The following LRP5 variants were observed in gnomAD, a reference collection of about 807,000 sequenced individuals.
LRP5 encodes low-density lipoprotein receptor-related protein 5.
In LRP5, 62 loss-of-function variants were observed where a neutral mutation model predicts 154.1. The ratio of observed to expected loss-of-function variants is 0.40; its 90% CI spans 0.33 to 0.50. The LOEUF is 0.50. Ranked by LOEUF, LRP5 falls within the 20% of genes least tolerant of loss-of-function variation. The probability of loss-of-function intolerance (pLI) is 0.55; values close to 1 mark genes in which losing one functional copy is unlikely to be tolerated. For synonymous variants in LRP5, 966 were observed against 1,011.5 expected, an observed-to-expected ratio of 0.96 and a Z score of 0.85; for missense variants, 1,915 against 2,336.7, an observed-to-expected ratio of 0.82 and a Z score of 3.72.
Position 68,413,542 on chromosome 11 carries a change from C to T in LRP5, c.2504-147C>T. On this transcript the variant is annotated intron_variant, in intron 11 of 22. Coordinates refer to ENST00000294304, the MANE Select transcript of LRP5 (RefSeq NM_002335.4). This position sits in a 1 kb window ranked among gnomAD's most constrained non-coding sequence, Gnocchi z 5.1. Reference sequence around the variant, plus strand: ...CCTGCCTGCGCTTCAGTGGATCTTGCTGGTTTTCCAAGGTGGCCAAACACT... The same window carrying T: ...CCTGCCTGCGCTTCAGTGGATCTTGTTGGTTTTCCAAGGTGGCCAAACACT... The T allele has an allele frequency of 1.4e-6, 1 of 728,704 alleles. No individual in the cohort carries two copies. The highest frequency in any genetic ancestry group is 2.4e-6 in the Non-Finnish European group (1 of 411,092). 45.1% of individuals were successfully genotyped at this position (728,704 alleles called of 1,614,324 possible).
chr11:68,448,996 C>T lies in LRP5; in HGVS notation c.4774C>T (p.Pro1592Ser), dbSNP rs753526343. ...QYLSAEDSCP[P>S]SPATERSYFH... ...CCTGTCGGCGGAGGACAGCTGCCCG[C>T]CCTCGCCCGCCACCGAGAGGAGCTA... The change falls in exon 23 of 23, where the codon CCC becomes TCC. Residue 1592 changes from proline (P) to serine (S), a missense_variant. Pro to Ser is a moderately conservative substitution (Grantham distance 74). Transcript: ENST00000294304. 1 of 1,598,938 alleles carries T rather than the reference C, an allele frequency of 6.3e-7. No individual in the cohort carries two copies. Among genetic ancestry groups the T allele is most frequent in the Non-Finnish European group, 8.5e-7 (1 of 1,175,518 alleles).
At chr11:68,414,221 G>A (rs2098661259) in intron 12 of LRP5, among the ~76,000 whole-genome samples, 1 of 152,166 alleles carries the variant, frequency 6.6e-6, no homozygotes, top group Non-Finnish European at 1.5e-5. Context: ...TAGATAAATG[G>A]CCAAAACTCC....
rs781616623 is a variant in LRP5 at position 68,413,813 on chromosome 11, C to A, written c.2628C>A (p.Gly876=). Residue 876 remains glycine, a synonymous_variant, in exon 12 of 23, where the codon GGC becomes GGA. Coordinates refer to ENST00000294304, the MANE Select transcript of LRP5 (RefSeq NM_002335.4). This position sits in a 1 kb window ranked among gnomAD's most constrained non-coding sequence, Gnocchi z 5.1. The stretch of plus-strand genomic sequence containing the variant: ...TTGAGCGGGCCGACAAGACTAGCGG[C>A]CGGAACCGCACCCTCATCCAGGGCC... ...HSIERADKTS[G]RNRTLIQGHL... 6.2e-7 allele frequency: 1 copy of A among 1,613,690 alleles called. No individual in the cohort carries two copies. The highest frequency in any genetic ancestry group is 8.5e-7 in the Non-Finnish European group (1 of 1,179,944).
chr11:68,325,443 G>A (rs2153115991), intron 1 of LRP5, among the ~76,000 whole-genome samples: 1 of 152,306 alleles, frequency 6.6e-6, no homozygotes, highest in Non-Finnish European at 1.5e-5. Context: ...GCTGCCCACA[G>A]CACCTAAGGC....
chr11:68,365,243 C>A (rs1195555732), intron 4 of LRP5, among the ~76,000 whole-genome samples: 3 of 136,146 alleles, frequency 2.2e-5, no homozygotes, highest in Non-Finnish European at 4.7e-5. Flanking sequence ...GTGTTCTAGT[C>A]ATAGGAGCTT....
chr11:68,441,629 G>A (rs75421313), intron 21 of LRP5, among the ~76,000 whole-genome samples: 2,704 of 152,236 alleles, frequency 0.018, 44 homozygotes, highest in African/African-American at 0.047. Flanking sequence ...CAGGGCCCCC[G>A]AGCACACAGC....
intron 1 of LRP5, among the ~76,000 whole-genome samples, chr11:68,313,843 C>T (rs1170206096): frequency 1.3e-5 from 2 of 152,218 alleles, no homozygotes; most frequent in African/African-American, 2.4e-5. Flanking sequence ...ACAGCTGTCT[C>T]CCTGAATATT....
intron 7 of LRP5, among the ~76,000 whole-genome samples, chr11:68,397,869 T>TA (rs1331584946): frequency 2.0e-5 from 3 of 151,966 alleles, no homozygotes; most frequent in Non-Finnish European, 4.4e-5. Context: ...TGACATCACT[T>TA]ACAGCGGGAG....
chr11:68,426,423 C>CTTTTTTTT (rs58093101), intron 16 of LRP5, among the ~76,000 whole-genome samples: 1 of 130,456 alleles, frequency 7.7e-6, no homozygotes. Flanking sequence ...AACACCAACT[C>CTTTTTTTT]TTTTTTTTTT....
At chr11:68,445,677 C>T in intron 21 of LRP5, 1 of 1,318,330 alleles carries the variant, frequency 7.6e-7, no homozygotes, top group Non-Finnish European at 9.9e-7. Context: ...GTCAGTGGCA[C>T]TTGTGGAAGG....
At position 68,413,948 on chromosome 11, in the gene LRP5, C is replaced by T. The variant is rs147158768; in HGVS notation, c.2763C>T (p.Pro921=). Residue 921 remains proline (P), a synonymous_variant, in exon 12 of 23, where the codon CCC becomes CCT. Coordinates refer to ENST00000294304, the MANE Select transcript of LRP5 (RefSeq NM_002335.4). The surrounding 1 kb of genome is among the most constrained non-coding windows in gnomAD (Gnocchi z 5.1). The part of the protein sequence containing the change: ...GQCGQLCLAI[P]GGHRCGCASH... Reference sequence around the variant, plus strand: ...GTGGGCAGCTGTGCCTTGCCATCCCCGGCGGCCACCGCTGCGGCTGCGCCT... The same window carrying T: ...GTGGGCAGCTGTGCCTTGCCATCCCTGGCGGCCACCGCTGCGGCTGCGCCT... The T allele has an allele frequency of 3.9e-4, 624 of 1,609,368 alleles. 1 individual carries two copies. Among genetic ancestry groups the T allele is most frequent in the Non-Finnish European group, 4.8e-4 (566 of 1,179,998 alleles).
At chr11:68,400,602 T>C (rs975068321) in intron 7 of LRP5, among the ~76,000 whole-genome samples, 4 of 151,810 alleles carry the variant, frequency 2.6e-5, no homozygotes, top group African/African-American at 4.8e-5. Context: ...TAGCCAGGCA[T>C]GGTGGCGCCT....
chr11:68,404,214 C>T lies in LRP5; in HGVS notation c.1801+515C>T, dbSNP rs184550521. 1.5e-4 allele frequency: 73 copies of T among 480,060 alleles called. No individual in the cohort carries two copies. The East Asian group carries it at 2.9e-3, about 19-fold the overall frequency. 29.7% of individuals were successfully genotyped at this position (480,060 alleles called of 1,614,324 possible). On this transcript the variant is annotated intron_variant, in intron 8 of 22. Coordinates refer to ENST00000294304, the MANE Select transcript of LRP5 (RefSeq NM_002335.4). ...TGTCTGGCACAATGATTTGTCTCTTCCTGAAAAGGTGACAGAGTTACACTG... is the reference window on the plus strand; with the variant it reads ...TGTCTGGCACAATGATTTGTCTCTTTCTGAAAAGGTGACAGAGTTACACTG...
chr11:68,422,824 C>T (rs542899935), intron 13 of LRP5, among the ~76,000 whole-genome samples: 55 of 149,948 alleles, frequency 3.7e-4, no homozygotes, highest in Admixed American at 2.7e-4. Flanking sequence ...TACCCACCCT[C>T]ACCTCCCCTG....
chr11:68,419,359 A>T (rs888538475), intron 13 of LRP5, among the ~76,000 whole-genome samples: 1 of 146,606 alleles, frequency 6.8e-6, no homozygotes, highest in Non-Finnish European at 1.5e-5. Context: ...CAGCCTCTCT[A>T]GTAGCCGGGA....
chr11:68,349,379 G>A (rs184302132), intron 2 of LRP5, among the ~76,000 whole-genome samples: 9 of 152,318 alleles, frequency 5.9e-5, no homozygotes, highest in African/African-American at 2.2e-4. Context: ...GGCAACCGAT[G>A]TGGTTGGCCA....
intron 1 of LRP5, among the ~76,000 whole-genome samples, chr11:68,334,798 G>A (rs543552633): frequency 2.2e-4 from 33 of 152,198 alleles, no homozygotes; most frequent in African/African-American, 6.7e-4. Context: ...CCTGGGAGGC[G>A]GAGGTTGCAG....
chr11:68,435,218 C>A (rs2098674210), intron 18 of LRP5, among the ~76,000 whole-genome samples: 1 of 152,234 alleles, frequency 6.6e-6, no homozygotes, highest in Admixed American at 6.5e-5. Flanking sequence ...CATCCTGGCC[C>A]AGCATGTGCT....
chr11:68,427,711 C>A (rs1255001877), intron 16 of LRP5, among the ~76,000 whole-genome samples: 1 of 151,018 alleles, frequency 6.6e-6, no homozygotes, highest in Non-Finnish European at 1.5e-5. Context: ...GTGGTAGTGA[C>A]AAAGAGACCC....
Sources: gnomAD v4.1 joint callset for allele counts (sites outside exome capture counted in the v4.1 genomes callset) on GRCh38, gnomAD v4.1.1 for gene constraint, Gnocchi (gnomAD v3.1) non-coding constraint, MANE v1.5 for transcripts, NCBI Gene and HGNC (gene_info 2026-07-23, HGNC 2026-07-21) for gene names.